The following TTC6 variants were observed in gnomAD, a reference collection of about 807,000 sequenced individuals.
The protein encoded by TTC6 is tetratricopeptide repeat protein 6.
TTC6 carries 172 observed loss-of-function variants against 210.4 expected under a neutral mutation model. That is an observed-to-expected ratio of 0.82 (90% CI 0.72 to 0.93). The LOEUF is 0.93. TTC6 is among the 40% of genes least tolerant of loss of function. The pLI is 0.00. For missense variants in TTC6, 2,414 were observed against 2,318.1 expected (o/e 1.04, Z -0.85); for synonymous variants, 804 against 819.6 (o/e 0.98, Z 0.32).
intron 14 of TTC6, among the ~76,000 whole-genome samples, chr14:37,756,150 TC>T (rs2095966910): frequency 6.6e-6 from 1 of 152,186 alleles, no homozygotes; most frequent in African/African-American, 2.4e-5. Context: ...GGCTCTCTGT[TC>T]GTCTATTATT....
intron 1 of TTC6, among the ~76,000 whole-genome samples, chr14:37,599,561 T>G (rs2095611388): frequency 6.6e-6 from 1 of 152,204 alleles, no homozygotes; most frequent in Non-Finnish European, 1.5e-5. Flanking sequence ...GCCGGGTTTC[T>G]GAGCTGCTCC....
intron 1 of TTC6, among the ~76,000 whole-genome samples, chr14:37,639,268 G>A (rs936174675): frequency 1.3e-5 from 2 of 152,190 alleles, no homozygotes; most frequent in African/African-American, 4.8e-5. Context: ...TCTGGGCAGA[G>A]AAAAGCAATC....
chr14:37,604,799 C>T (rs545964801), intron 1 of TTC6, among the ~76,000 whole-genome samples: 1 of 152,164 alleles, frequency 6.6e-6, no homozygotes, highest in Non-Finnish European at 1.5e-5. Flanking sequence ...CACTTAGACA[C>T]TTTCTCCTTC....
intron 29 of TTC6, among the ~76,000 whole-genome samples, chr14:37,834,543 A>ATC (rs2096193399): frequency 6.6e-6 from 1 of 151,910 alleles, no homozygotes; most frequent in Admixed American, 6.6e-5. Context: ...ATTTCTTATG[A>ATC]TATCTATCTT....
chr14:37,808,689 C>A (rs2096123525), intron 23 of TTC6, 44 bp from the exon 26 acceptor site: 2 of 940,676 alleles, frequency 2.1e-6, no homozygotes, highest in African/African-American at 1.7e-5. Flanking sequence ...AATTTCAGTC[C>A]ATTATGATTT....
intron 15 of TTC6, among the ~76,000 whole-genome samples, chr14:37,790,098 C>T (rs2096076106): frequency 6.6e-6 from 1 of 152,004 alleles, no homozygotes; most frequent in Non-Finnish European, 1.5e-5. Context: ...CTTTTTCTCC[C>T]TTCCATTATT....
At chr14:37,626,717 A>G (rs1310668844) in intron 1 of TTC6, among the ~76,000 whole-genome samples, 1 of 152,186 alleles carries the variant, frequency 6.6e-6, no homozygotes, top group African/African-American at 2.4e-5. Flanking sequence ...CTGGTAACAT[A>G]CATAGGAATG....
intron 10 of TTC6, among the ~76,000 whole-genome samples, chr14:37,744,611 A>C (rs1013756830): frequency 9.2e-5 from 14 of 152,214 alleles, no homozygotes; most frequent in African/African-American, 3.4e-4. Flanking sequence ...GGTCAGAGAT[A>C]ATACCATGTG....
chr14:37,738,280 T>C (rs2095907500), intron 9 of TTC6, among the ~76,000 whole-genome samples: 1 of 151,628 alleles, frequency 6.6e-6, no homozygotes, highest in South Asian at 2.1e-4. Flanking sequence ...TACTTCCTAT[T>C]ATAAATATTA....
At chr14:37,602,563 C>T (rs1299174859) in intron 1 of TTC6, among the ~76,000 whole-genome samples, 1 of 152,150 alleles carries the variant, frequency 6.6e-6, no homozygotes, top group East Asian at 1.9e-4. Context: ...CAAGGCTGTG[C>T]GATCCTCCGC....
intron 29 of TTC6, among the ~76,000 whole-genome samples, chr14:37,831,927 T>G (rs962331473): frequency 3.9e-5 from 6 of 152,174 alleles, no homozygotes; most frequent in African/African-American, 1.4e-4. Context: ...GCAGAAGCTT[T>G]TTCAGCTTGA....
chr14:37,732,732 C>T (rs1019864399), intron 7 of TTC6, among the ~76,000 whole-genome samples: 3 of 151,926 alleles, frequency 2.0e-5, no homozygotes, highest in Non-Finnish European at 4.4e-5. Flanking sequence ...CATTCTCTGC[C>T]TCAGCCTCCC....
At chr14:37,755,284 T>G (rs1039477076) in intron 14 of TTC6, among the ~76,000 whole-genome samples, 1 of 152,368 alleles carries the variant, frequency 6.6e-6, no homozygotes, top group Non-Finnish European at 1.5e-5. Flanking sequence ...ATTAGACCTT[T>G]GTCAGATGAA....
intron 29 of TTC6, among the ~76,000 whole-genome samples, chr14:37,829,670 T>A (rs1270427791): frequency 6.6e-6 from 1 of 151,954 alleles, no homozygotes; most frequent in Non-Finnish European, 1.5e-5. Context: ...AGTTAGATAA[T>A]CACATCATAG....
intron 2 of TTC6, among the ~76,000 whole-genome samples, chr14:37,611,856 C>G (rs1327537624): frequency 6.6e-6 from 1 of 152,076 alleles, no homozygotes; most frequent in Non-Finnish European, 1.5e-5. Flanking sequence ...AGACCAGTTT[C>G]CTGAGTTTGG....
At chr14:37,668,923 G>C (rs1230260680) in intron 1 of TTC6, among the ~76,000 whole-genome samples, 1 of 152,130 alleles carries the variant, frequency 6.6e-6, no homozygotes, top group Non-Finnish European at 1.5e-5. Context: ...CTTGCTTCTT[G>C]GTTCTGTGAC....
intron 10 of TTC6, among the ~76,000 whole-genome samples, chr14:37,743,273 A>G (rs2095926410): frequency 1.3e-5 from 2 of 152,020 alleles, no homozygotes; most frequent in Non-Finnish European, 2.9e-5. Context: ...CTCTTTTATC[A>G]TGTTCCTTTT....
chr14:37,726,391 T>C (rs1260967363), intron 7 of TTC6, among the ~76,000 whole-genome samples: 1 of 152,200 alleles, frequency 6.6e-6, no homozygotes, highest in Non-Finnish European at 1.5e-5. Flanking sequence ...TGGAGTCTTG[T>C]TCATATTTAA....
chr14:37,697,608 G>C (rs78221213), intron 4 of TTC6, among the ~76,000 whole-genome samples: 3,264 of 152,154 alleles, frequency 0.021, 127 homozygotes, highest in African/African-American at 0.074. Context: ...TTTGTAAATG[G>C]ATATTACTCA....
Sources: gnomAD v4.1 joint callset for allele counts (sites outside exome capture counted in the v4.1 genomes callset) on GRCh38, gnomAD v4.1.1 for gene constraint, MANE v1.5 for transcripts, NCBI Gene and HGNC (gene_info 2026-07-23, HGNC 2026-07-21) for gene names.